ETFDH: variants seen among roughly 807,000 people sequenced by gnomAD.
ETFDH encodes the protein electron transfer flavoprotein dehydrogenase.
ETFDH carries 61 observed loss-of-function variants against 73.2 expected under a neutral mutation model. The ratio of observed to expected loss-of-function variants is 0.83; its 90% CI spans 0.68 to 1.03. ETFDH has a LOEUF of 1.03. Ranked by LOEUF, ETFDH falls within the 50% of genes least tolerant of loss-of-function variation. The pLI, the probability that ETFDH is intolerant of heterozygous loss-of-function variation, is 0.00. For missense variants in ETFDH, 685 were observed against 745.0 expected, an observed-to-expected ratio of 0.92 and a Z score of 0.94; for synonymous variants, 243 against 253.3, an observed-to-expected ratio of 0.96 and a Z score of 0.39.
At chr4:158,691,917 A>T (rs546880201) in intron 6 of ETFDH, among the ~76,000 whole-genome samples, 13 of 152,218 alleles carry the variant, frequency 8.5e-5, no homozygotes, top group Non-Finnish European at 1.5e-4. Flanking sequence ...ACTAGATTAT[A>T]AGCTCCCTAA....
chr4:158,684,273 C>T (rs1773942129), intron 3 of ETFDH, among the ~76,000 whole-genome samples: 1 of 151,954 alleles, frequency 6.6e-6, no homozygotes, highest in Non-Finnish European at 1.5e-5. Flanking sequence ...GCCTATAAGC[C>T]CAGCCACTTG....
chr4:158,689,611 TATATATATATATATATATATATATA>T (rs1774104138), intron 5 of ETFDH, among the ~76,000 whole-genome samples: 7 of 95,992 alleles, frequency 7.3e-5, no homozygotes, highest in South Asian at 4.0e-4. Context: ...TATATATATA[TATATATATATATATATATATATATA>T]TTGTGGGGGG....
At chr4:158,680,400 T>TA in intron 1 of ETFDH, 67 bp from the exon 2 acceptor site, 1 of 1,126,246 alleles carries the variant, frequency 8.9e-7, no homozygotes. Flanking sequence ...CATTCACTTA[T>TA]ATTTTTTCAG....
At position 158,706,247 on chromosome 4, in the gene ETFDH, A is replaced by G. The variant is rs765652548; in HGVS notation, c.1344A>G (p.Leu448=). Residue 448 remains leucine, a synonymous_variant, in exon 11 of 13, where the codon CTA becomes CTG. Coordinates refer to ENST00000511912, the MANE Select transcript of ETFDH (RefSeq NM_004453.4). The part of the protein sequence containing the change: ...NLKNSWVWKE[L]YSVRNIRPSC... ...AGAACTCATGGGTATGGAAAGAGCT[A>G]TATTCTGTTAGAAATATAAGACCGT... The G allele has an allele frequency of 1.2e-5, 19 of 1,612,090 alleles. No individual in the cohort carries two copies. In the South Asian group the frequency reaches 1.9e-4, roughly 16 times the overall value.
In ETFDH at chr4:158,709,019, T is replaced by G. The variant is rs939973038; in HGVS notation, c.*492T>G. On this transcript the variant is annotated 3_prime_UTR_variant, in exon 13 of 13. Transcript: ENST00000511912. ...GAAGTATGCCCATCCCTGAACAAGT[T>G]TGTGTGTGTGTGTGTGTGTGTGTGT... 1 of 149,276 alleles carries G rather than the reference T, an allele frequency of 6.7e-6. No homozygotes were observed. The highest frequency in any genetic ancestry group is 6.5e-5 in the Admixed American group (1 of 15,298). 9.2% of individuals were successfully genotyped at this position (149,276 alleles called of 1,614,324 possible).
chr4:158,690,309 T>C, intron 5 of ETFDH, 39 bp from the exon 6 acceptor site: 1 of 1,079,744 alleles, frequency 9.3e-7, no homozygotes, highest in East Asian at 2.4e-5. Flanking sequence ...TTATTATGAA[T>C]TCTAAGGTAT....
chr4:158,703,643 A>G (rs1393624357), intron 10 of ETFDH, 52 bp downstream of exon 10: 5 of 1,082,920 alleles, frequency 4.6e-6, no homozygotes, highest in Non-Finnish European at 7.1e-6. Context: ...GGTTATGTGT[A>G]TTTCAATTGA....
chr4:158,677,827 G>A (rs1025375378), intron 1 of ETFDH, among the ~76,000 whole-genome samples: 2 of 152,086 alleles, frequency 1.3e-5, no homozygotes, highest in Non-Finnish European at 2.9e-5. Context: ...TACTTTTTTG[G>A]GTTTCTTTGG....
intron 6 of ETFDH, among the ~76,000 whole-genome samples, chr4:158,694,126 A>T (rs933839025): frequency 6.6e-5 from 10 of 152,206 alleles, no homozygotes; most frequent in African/African-American, 2.4e-4. Flanking sequence ...GTATTTATTT[A>T]ATGTCTGTCT....
intron 5 of ETFDH, among the ~76,000 whole-genome samples, chr4:158,686,728 GAGAAAGAGGGATGGGAGAAGGTA>G (rs1376281995): frequency 6.6e-6 from 1 of 152,188 alleles, no homozygotes; most frequent in African/African-American, 2.4e-5. Context: ...TGCTTTAGGG[GAGAAAGAGGGATGGGAGAAGGTA>G]AGAAAGACCT....
chr4:158,686,918 G>C (rs114713074), intron 5 of ETFDH, among the ~76,000 whole-genome samples: 7 of 150,016 alleles, frequency 4.7e-5, no homozygotes, highest in Admixed American at 2.0e-4. Context: ...GTTTATCAGC[G>C]TGCATGAAGG....
chr4:158,683,223 A>G (rs917604411), intron 3 of ETFDH, among the ~76,000 whole-genome samples: 1 of 152,226 alleles, frequency 6.6e-6, no homozygotes, highest in Admixed American at 6.5e-5. Context: ...TGTCTTAAAT[A>G]AAATTTGTAT....
intron 9 of ETFDH, among the ~76,000 whole-genome samples, chr4:158,702,051 G>A (rs1774477735): frequency 6.6e-6 from 1 of 152,084 alleles, no homozygotes; most frequent in African/African-American, 2.4e-5. Context: ...GCCATGATTA[G>A]AGCATAGGTT....
intron 7 of ETFDH, among the ~76,000 whole-genome samples, chr4:158,696,315 G>A (rs768394633): frequency 2.6e-5 from 4 of 152,080 alleles, no homozygotes; most frequent in Non-Finnish European, 5.9e-5. Context: ...AGACCTGCCT[G>A]GGCAATGTAG....
Position 158,682,353 on chromosome 4 carries a change from C to A in ETFDH, c.334C>A (p.His112Asn), listed in dbSNP as rs1773883564. 2 of 1,614,140 alleles carry A rather than the reference C, an allele frequency of 1.2e-6. No individual in the cohort carries two copies. Among genetic ancestry groups the A allele is most frequent in the Non-Finnish European group, 1.7e-6 (2 of 1,180,006 alleles). Reference sequence around the variant, plus strand: ...GGAGAAAGCTGCCCAGATAGGAGCTCATACTCTCTCAGGGGCTTGCCTTGA... The same window carrying A: ...GGAGAAAGCTGCCCAGATAGGAGCTAATACTCTCTCAGGGGCTTGCCTTGA... ...LVEKAAQIGA[H>N]TLSGACLDPG... The change falls in exon 3 of 13, where the codon CAT (histidine) becomes AAT (asparagine). Residue 112 changes from histidine (H) to asparagine (N), a missense_variant. Coordinates refer to ENST00000511912, the MANE Select transcript of ETFDH (RefSeq NM_004453.4).
At chr4:158,693,795 G>A (rs149144616) in intron 6 of ETFDH, among the ~76,000 whole-genome samples, 1,783 of 152,172 alleles carry the variant, frequency 0.012, 27 homozygotes, top group African/African-American at 0.038. Context: ...TTATACCAAA[G>A]TATACTATAA....
At chr4:158,702,053 G>A (rs1487606179) in intron 9 of ETFDH, among the ~76,000 whole-genome samples, 1 of 152,068 alleles carries the variant, frequency 6.6e-6, no homozygotes, top group Non-Finnish European at 1.5e-5. Context: ...CATGATTAGA[G>A]CATAGGTTTC....
At chr4:158,702,260 C>T (rs1774484292) in intron 9 of ETFDH, among the ~76,000 whole-genome samples, 1 of 151,438 alleles carries the variant, frequency 6.6e-6, no homozygotes, top group African/African-American at 2.4e-5. Flanking sequence ...GTTTAATGAT[C>T]AAATCAGGGT....
At chr4:158,701,747 A>C (rs530378267) in intron 9 of ETFDH, among the ~76,000 whole-genome samples, 69 of 152,226 alleles carry the variant, frequency 4.5e-4, no homozygotes, top group Non-Finnish European at 2.6e-4. Flanking sequence ...GGAAATCCTC[A>C]GAGAAGAAAA....
Sources: allele counts gnomAD v4.1 joint callset (sites outside exome capture counted in the v4.1 genomes callset), GRCh38; gene constraint gnomAD v4.1.1; transcripts MANE v1.5; gene names NCBI Gene and HGNC (gene_info 2026-07-23, HGNC 2026-07-21).